The following OTOP2 variants were observed in gnomAD, a reference collection of about 807,000 sequenced individuals.
The protein encoded by OTOP2 is otopetrin 2, also known as proton channel OTOP2.
In OTOP2, 41 loss-of-function variants were observed where a neutral mutation model predicts 47.4. The ratio of observed to expected loss-of-function variants is 0.87; its 90% CI spans 0.67 to 1.12. OTOP2 has a LOEUF of 1.12. OTOP2 is among the 50% of genes most tolerant of loss of function. The pLI is 0.00. For missense variants in OTOP2, 721 were observed against 752.2 expected (o/e 0.96, Z 0.49); for synonymous variants, 328 against 319.6 (o/e 1.03, Z -0.28).
intron 6 of OTOP2, among the ~76,000 whole-genome samples, chr17:74,931,480 C>G (rs1022799610): frequency 6.6e-6 from 1 of 152,170 alleles, no homozygotes; most frequent in East Asian, 1.9e-4. Context: ...TCCTCACCCC[C>G]CAGTGGGAGG....
At chr17:74,932,689 A>C (rs373421147) in intron 6 of OTOP2, among the ~76,000 whole-genome samples, 11 of 152,132 alleles carry the variant, frequency 7.2e-5, no homozygotes, top group African/African-American at 2.7e-4. Context: ...CATCTTCTCC[A>C]TCTCCTTCAT....
Position 74,924,524 on chromosome 17 carries a change from C to A in OTOP2, c.-33-76C>A. The A allele has an allele frequency of 7.6e-7, 1 of 1,313,434 alleles. No homozygotes were observed. 81.4% of individuals were successfully genotyped at this position (1,313,434 alleles called of 1,614,324 possible). On this transcript the variant is annotated intron_variant, in intron 1 of 6. Coordinates refer to ENST00000331427, the MANE Select transcript of OTOP2 (RefSeq NM_178160.3). This position sits in a 1 kb window ranked among gnomAD's most constrained non-coding sequence, Gnocchi z 7.7. ...CCTGCGGGTCAGGAACTCCCTAGTC[C>A]CCAAGTCTAGGGATGAGATGGGGGA...
rs779295857 is a variant in OTOP2 at position 74,930,554 on chromosome 17, T to C, written c.919T>C (p.Phe307Leu). The C allele has an allele frequency of 1.2e-6, 2 of 1,613,280 alleles. No homozygotes were observed. The highest frequency in any genetic ancestry group is 1.7e-5 in the Admixed American group (1 of 59,994). ...GCTCTTCGTGGTGGGGCTGGCTGTC[T>C]TCATCATCTACGAGGTTCAAGTGAG... Reference protein sequence around the residue: ...LLLFVVGLAVFIIYEVQVSGD... With the variant: ...LLLFVVGLAVLIIYEVQVSGD... The change falls in exon 6 of 7, where the codon TTC (phenylalanine) becomes CTC (leucine). Residue 307 changes from phenylalanine to leucine, a missense_variant. Transcript: ENST00000331427. The surrounding 1 kb of genome is among the most constrained non-coding windows in gnomAD (Gnocchi z 4.0).
intron 4 of OTOP2, 38 bp downstream of exon 4, chr17:74,927,319 G>A: frequency 1.9e-6 from 3 of 1,583,448 alleles, no homozygotes; most frequent in Non-Finnish European, 2.6e-6. Context: ...CCAGCGTGCT[G>A]GTGTTCACCT....
chr17:74,924,506 G>A lies in OTOP2; in HGVS notation c.-33-94G>A, dbSNP rs2038984574. 1.7e-6 allele frequency: 2 copies of A among 1,190,356 alleles called. No individual in the cohort carries two copies. The highest frequency in any genetic ancestry group is 1.7e-5 in the South Asian group (1 of 60,528). 73.7% of individuals were successfully genotyped at this position (1,190,356 alleles called of 1,614,324 possible). A position where few individuals can be genotyped will look rare whatever the true frequency, so the allele number is the denominator to read the frequency against. ...AGCACCCGAAGCCCCAACCCTGCGGGTCAGGAACTCCCTAGTCCCCAAGTC... is the reference window on the plus strand; with the variant it reads ...AGCACCCGAAGCCCCAACCCTGCGGATCAGGAACTCCCTAGTCCCCAAGTC... On this transcript the variant is annotated intron_variant, in intron 1 of 6. Transcript: ENST00000331427. The surrounding 1 kb of genome is among the most constrained non-coding windows in gnomAD (Gnocchi z 7.7).
In OTOP2 at chr17:74,933,222, T is replaced by C. The variant is rs897155100; in HGVS notation, c.1519-153T>C. On this transcript the variant is annotated intron_variant, in intron 6 of 6. Transcript: ENST00000331427. The surrounding 1 kb of genome is among the most constrained non-coding windows in gnomAD (Gnocchi z 4.7). ...AGAGTGTGCTAGGTCCTGTCCAAAA[T>C]GCTAGAGCTGCCCATTCACTGACAC... Among the ~76,000 whole-genome samples, 2 of 152,108 alleles carry C rather than the reference T, an allele frequency of 1.3e-5. No homozygotes were observed. The highest frequency in any genetic ancestry group is 4.8e-5 in the African/African-American group (2 of 41,408).
At chr17:74,929,626 G>A (rs1001205708) in intron 5 of OTOP2, among the ~76,000 whole-genome samples, 2 of 151,966 alleles carry the variant, frequency 1.3e-5, no homozygotes, top group East Asian at 1.9e-4. Context: ...GGATTTCACC[G>A]TGTTGGCCAG....
Position 74,927,261 on chromosome 17 carries a change from C to T in OTOP2, c.489C>T (p.His163=), listed in dbSNP as rs201532195. The T allele has an allele frequency of 1.2e-4, 194 of 1,613,516 alleles. 1 individual carries two copies. In the Admixed American group the frequency reaches 2.1e-3, roughly 18 times the overall value. ...GGGTCTCTGCTAAAGACTGCGTTCA[C>T]GTCCACCTGGATCTGACCTGGTGAG... ...FLWVSAKDCV[H]VHLDLTWCGL... is the part of the protein sequence containing the mutation. The change falls in exon 4 of 7, where the codon CAC becomes CAT. Residue 163 remains histidine (H), a synonymous_variant. Transcript: ENST00000331427.
At chr17:74,931,927 G>C (rs2039062491) in intron 6 of OTOP2, among the ~76,000 whole-genome samples, 1 of 133,864 alleles carries the variant, frequency 7.5e-6, no homozygotes, top group Non-Finnish European at 1.5e-5. Flanking sequence ...TTGCACTCCA[G>C]CCTGTGCAAC....
chr17:74,924,963 G>A lies in OTOP2; in HGVS notation c.313+18G>A, dbSNP rs1158561905. On this transcript the variant is annotated intron_variant, in intron 2 of 6. Coordinates refer to ENST00000331427, the MANE Select transcript of OTOP2 (RefSeq NM_178160.3). The surrounding 1 kb of genome is among the most constrained non-coding windows in gnomAD (Gnocchi z 7.7). ...GCTCCGAGGTGCCAGGGGAGGTGGGGGCGAGGTAGGGTGGGCACAACAGGG... is the reference window on the plus strand; with the variant it reads ...GCTCCGAGGTGCCAGGGGAGGTGGGAGCGAGGTAGGGTGGGCACAACAGGG... 10 of 1,536,106 alleles carry A rather than the reference G, an allele frequency of 6.5e-6. No individual in the cohort carries two copies. The highest frequency in any genetic ancestry group is 8.8e-6 in the Non-Finnish European group (10 of 1,138,740).
Position 74,933,607 on chromosome 17 carries a change from AC to A in OTOP2, c.*65del. On this transcript the variant is annotated 3_prime_UTR_variant, in exon 7 of 7. Coordinates refer to ENST00000331427, the MANE Select transcript of OTOP2 (RefSeq NM_178160.3). This position sits in a 1 kb window ranked among gnomAD's most constrained non-coding sequence, Gnocchi z 4.7. The stretch of plus-strand genomic sequence containing the variant: ...GCTCAGCTCATGTGCCCACTCAGAC[AC>A]CCTCTGGGAATGAATCCCAGCTGGT... 1 of 1,491,104 alleles carries A rather than the reference AC, an allele frequency of 6.7e-7. No homozygotes were observed. The highest frequency in any genetic ancestry group is 9.1e-7 in the Non-Finnish European group (1 of 1,103,734). 92.4% of individuals were successfully genotyped at this position (1,491,104 alleles called of 1,614,324 possible). A position where few individuals can be genotyped will look rare whatever the true frequency, so the allele number is the denominator to read the frequency against.
intron 3 of OTOP2, 144 bp downstream of exon 3, chr17:74,925,836 A>AC: frequency 3.3e-6 from 4 of 1,224,362 alleles, no homozygotes. Context: ...TGTAGAGAGC[A>AC]TCACAGGAGT....
At chr17:74,932,748 G>A (rs1348195237) in intron 6 of OTOP2, among the ~76,000 whole-genome samples, 1 of 152,240 alleles carries the variant, frequency 6.6e-6, no homozygotes, top group Non-Finnish European at 1.5e-5. Flanking sequence ...GCCCAAGGAT[G>A]AAGTTAATCA....
Position 74,930,209 on chromosome 17 carries a change from A to G in OTOP2, c.644-70A>G. On this transcript the variant is annotated intron_variant, in intron 5 of 6. Coordinates refer to ENST00000331427, the MANE Select transcript of OTOP2 (RefSeq NM_178160.3). This position sits in a 1 kb window ranked among gnomAD's most constrained non-coding sequence, Gnocchi z 4.0. Reference sequence around the variant, plus strand: ...AAAACAAAACAAAAAAAAAAAGGTCACAGGCTAGGGGTGAGACCTCTCTAG... The same window carrying G: ...AAAACAAAACAAAAAAAAAAAGGTCGCAGGCTAGGGGTGAGACCTCTCTAG... The G allele has an allele frequency of 1.3e-6, 2 of 1,483,952 alleles. No individual in the cohort carries two copies. Among genetic ancestry groups the G allele is most frequent in the Non-Finnish European group, 1.8e-6 (2 of 1,109,778 alleles). 91.9% of individuals were successfully genotyped at this position (1,483,952 alleles called of 1,614,324 possible). A position where few individuals can be genotyped will look rare whatever the true frequency, so the allele number is the denominator to read the frequency against.
chr17:74,925,772 C>T, intron 3 of OTOP2, 80 bp downstream of exon 3: 1 of 1,582,550 alleles, frequency 6.3e-7, no homozygotes, highest in Non-Finnish European at 8.6e-7. Flanking sequence ...GGGTCGGAGA[C>T]CTGAGCTCCA....
chr17:74,928,565 CTT>C (rs1247872442), intron 5 of OTOP2, among the ~76,000 whole-genome samples: 1 of 152,152 alleles, frequency 6.6e-6, no homozygotes, highest in Non-Finnish European at 1.5e-5. Flanking sequence ...TGCTGAGTGT[CTT>C]AAACACTCCA....
Position 74,930,145 on chromosome 17 carries a change from T to C in OTOP2, c.644-134T>C, listed in dbSNP as rs1266842746. On this transcript the variant is annotated intron_variant, in intron 5 of 6. Transcript: ENST00000331427. The surrounding 1 kb of genome is among the most constrained non-coding windows in gnomAD (Gnocchi z 4.0). Reference sequence around the variant, plus strand: ...TTGCAGTGAGCCAAGATCACACCATTGCACTCCAGCCTGAGCATCAAGAGT... The same window carrying C: ...TTGCAGTGAGCCAAGATCACACCATCGCACTCCAGCCTGAGCATCAAGAGT... The C allele has an allele frequency of 7.1e-6, 7 of 988,306 alleles. No homozygotes were observed. The highest frequency in any genetic ancestry group is 1.0e-5 in the Non-Finnish European group (7 of 688,430). The allele number at this position is 988,306 out of a possible 1,614,324, so 61.2% of individuals were successfully genotyped here.
Position 74,924,503 on chromosome 17 carries a change from C to T in OTOP2, c.-33-97C>T, listed in dbSNP as rs2038984513. ...TCCAGCACCCGAAGCCCCAACCCTG[C>T]GGGTCAGGAACTCCCTAGTCCCCAA... On this transcript the variant is annotated intron_variant, in intron 1 of 6. Transcript: ENST00000331427. This position sits in a 1 kb window ranked among gnomAD's most constrained non-coding sequence, Gnocchi z 7.7. 3 of 1,130,878 alleles carry T rather than the reference C, an allele frequency of 2.7e-6. No homozygotes were observed. The highest frequency in any genetic ancestry group is 3.1e-5 in the Admixed American group (1 of 32,628). 70.1% of individuals were successfully genotyped at this position (1,130,878 alleles called of 1,614,324 possible).
At position 74,931,001 on chromosome 17, in the gene OTOP2, ACGTTG is replaced by A. The variant is rs1567945809; in HGVS notation, c.1367_1371del (p.Thr456IlefsTer11). On this transcript the variant is annotated frameshift_variant, in exon 6 of 7. Coordinates refer to ENST00000331427, the MANE Select transcript of OTOP2 (RefSeq NM_178160.3). LOFTEE classifies it high-confidence loss of function. ...CTTCACCAACCTGGATGCCCTCCAC[ACGTTG>A]TCCGCCTGCCCACCCAACCCCGGGC... 6.2e-7 allele frequency: 1 copy of A among 1,613,992 alleles called. No individual in the cohort carries two copies. The highest frequency in any genetic ancestry group is 1.6e-4 in the Middle Eastern group (1 of 6,062).
Sources: allele counts gnomAD v4.1 joint callset (sites outside exome capture counted in the v4.1 genomes callset), GRCh38; gene constraint gnomAD v4.1.1; non-coding constraint Gnocchi (gnomAD v3.1); transcripts MANE v1.5; gene names NCBI Gene and HGNC (gene_info 2026-07-23, HGNC 2026-07-21).